Variants in SCTR observed in about 807,000 individuals in gnomAD.
The protein encoded by SCTR is pancreatic secretin receptor.
In SCTR, 56 loss-of-function variants were observed where a neutral mutation model predicts 60.8. That is an observed-to-expected ratio of 0.92 (90% CI 0.74 to 1.15). The LOEUF (loss-of-function observed/expected upper bound fraction) is 1.15. Ranked by LOEUF, SCTR falls within the 50% of genes most tolerant of loss-of-function variation. SCTR has a pLI of 0.00. For synonymous variants in SCTR, 202 were observed against 217.0 expected (o/e 0.93, Z 0.61); for missense variants, 562 against 550.4 (o/e 1.02, Z -0.21).
chr2:119,523,240 GC>G (rs530313520), intron 1 of SCTR, among the ~76,000 whole-genome samples: 25 of 151,618 alleles, frequency 1.6e-4, no homozygotes, highest in Non-Finnish European at 3.1e-4. Flanking sequence ...CTGGAATCTG[GC>G]CCCCACCTCT....
intron 1 of SCTR, among the ~76,000 whole-genome samples, chr2:119,505,324 T>C (rs1000515778): frequency 9.6e-5 from 4 of 41,796 alleles, no homozygotes; most frequent in Non-Finnish European, 1.8e-4. Flanking sequence ...ATGTGTTGTG[T>C]GGTGGGGGGA....
intron 8 of SCTR, among the ~76,000 whole-genome samples, chr2:119,452,928 A>G (rs1202754350): frequency 6.6e-6 from 1 of 152,092 alleles, no homozygotes; most frequent in Non-Finnish European, 1.5e-5. Flanking sequence ...AGGGGTAGAG[A>G]GGCATCCAGG....
intron 7 of SCTR, among the ~76,000 whole-genome samples, chr2:119,459,856 G>A (rs1026508191): frequency 4.6e-5 from 7 of 152,094 alleles, no homozygotes; most frequent in Admixed American, 1.3e-4. Context: ...ATGGGAAAAC[G>A]GTCCATGTTC....
At chr2:119,500,436 G>A (rs1223881695) in intron 1 of SCTR, among the ~76,000 whole-genome samples, 2 of 152,202 alleles carry the variant, frequency 1.3e-5, no homozygotes, top group African/African-American at 4.8e-5. Flanking sequence ...GTTTATTGCA[G>A]CACTATTCAC....
chr2:119,466,808 T>G (rs1683853402), intron 4 of SCTR, among the ~76,000 whole-genome samples: 1 of 152,048 alleles, frequency 6.6e-6, no homozygotes, highest in African/African-American at 2.4e-5. Context: ...CCCTGTGTCT[T>G]TAACCTCTTT....
intron 1 of SCTR, among the ~76,000 whole-genome samples, chr2:119,521,483 TTACAG>T (rs915215710): frequency 6.6e-6 from 1 of 152,116 alleles, no homozygotes; most frequent in Non-Finnish European, 1.5e-5. Context: ...TAGTAAATAA[TTACAG>T]TAATGTTCCA....
At chr2:119,466,041 C>T (rs1221502781) in intron 4 of SCTR, among the ~76,000 whole-genome samples, 155 bp from the exon 5 acceptor site, 1 of 152,086 alleles carries the variant, frequency 6.6e-6, no homozygotes, top group Non-Finnish European at 1.5e-5. Flanking sequence ...AACACCGTAA[C>T]ATCCTGGCAT....
intron 7 of SCTR, among the ~76,000 whole-genome samples, chr2:119,460,436 G>A (rs866645755): frequency 8.0e-5 from 12 of 149,472 alleles, no homozygotes; most frequent in African/African-American, 3.0e-4. Flanking sequence ...GGGTGGGTGG[G>A]TGGATGGATG....
Position 119,461,852 on chromosome 2 carries a change from C to G in SCTR, c.785G>C (p.Gly262Ala), listed in dbSNP as rs773084750. 6.2e-7 allele frequency: 1 copy of G among 1,612,208 alleles called. No individual in the cohort carries two copies. Among genetic ancestry groups the G allele is most frequent in the South Asian group, 1.1e-5 (1 of 90,546 alleles). ...RKYLQGFVAF[G>A]WGSPAIFVAL... ...AGACCCAGGGAGAAACATACCCCAT[C>G]CGAATGCCACAAATCCCTGGAGGTA... The change falls in exon 7 of 13, where the codon GGA becomes GCA. Residue 262 changes from glycine to alanine, a missense_variant. Physicochemically the swap from Gly to Ala is moderately conservative, Grantham distance 60 (BLOSUM62 0). Transcript: ENST00000019103.
chr2:119,479,451 C>G (rs919168156), intron 2 of SCTR: 2 of 175,332 alleles, frequency 1.1e-5, no homozygotes, highest in African/African-American at 4.8e-5. Context: ...GGGTTGAGAA[C>G]TCTTGTCCCA....
chr2:119,502,272 T>A (rs1678579254), intron 1 of SCTR, among the ~76,000 whole-genome samples: 1 of 151,550 alleles, frequency 6.6e-6, no homozygotes, highest in South Asian at 2.1e-4. Flanking sequence ...AAATACAGTA[T>A]CACTCAGAAT....
intron 4 of SCTR, among the ~76,000 whole-genome samples, chr2:119,469,566 C>G (rs897173385): frequency 2.0e-5 from 3 of 152,300 alleles, no homozygotes; most frequent in African/African-American, 7.2e-5. Context: ...TCATGGCTCA[C>G]TACAGCCTCA....
intron 12 of SCTR, 43 bp from the exon 13 acceptor site, chr2:119,440,300 T>C: frequency 6.3e-7 from 1 of 1,587,034 alleles, no homozygotes; most frequent in Non-Finnish European, 8.6e-7. Flanking sequence ...AGAGGACAGT[T>C]CTGTGCCTGG....
At chr2:119,493,760 G>A (rs10153793) in intron 2 of SCTR, among the ~76,000 whole-genome samples, 2,551 of 151,340 alleles carry the variant, frequency 0.017, 70 homozygotes, top group African/African-American at 0.058. Context: ...TCCTGCCTCA[G>A]CCTCCCTAGT....
At chr2:119,447,664 C>CAGGTTCA (rs1268742499) in intron 10 of SCTR, among the ~76,000 whole-genome samples, 1 of 152,198 alleles carries the variant, frequency 6.6e-6, no homozygotes, top group Non-Finnish European at 1.5e-5. Context: ...CTCTGCCTCC[C>CAGGTTCA]AGGTTCAAGT....
intron 1 of SCTR, among the ~76,000 whole-genome samples, chr2:119,497,061 A>G (rs574219940): frequency 1.3e-5 from 2 of 152,306 alleles, no homozygotes; most frequent in Middle Eastern, 6.8e-3. Context: ...CTACTACCCT[A>G]GTTCAGAAGT....
chr2:119,470,281 A>G (rs1234476812), intron 4 of SCTR, among the ~76,000 whole-genome samples: 1 of 152,220 alleles, frequency 6.6e-6, no homozygotes, highest in Non-Finnish European at 1.5e-5. Context: ...CACAAAAAGA[A>G]AAGAAGAAAA....
intron 3 of SCTR, 46 bp from the exon 4 acceptor site, chr2:119,473,602 T>C (rs769801190): frequency 8.5e-7 from 1 of 1,175,364 alleles, no homozygotes; most frequent in Non-Finnish European, 1.3e-6. Flanking sequence ...GCCCAGGCAC[T>C]GTGATTTTCA....
At chr2:119,481,286 T>C (rs888546202) in intron 2 of SCTR, among the ~76,000 whole-genome samples, 13 of 152,178 alleles carry the variant, frequency 8.5e-5, no homozygotes, top group Admixed American at 8.5e-4. Flanking sequence ...ACCCAAAGCA[T>C]CCATAGTGTC....
Sources: gnomAD v4.1 joint callset for allele counts (sites outside exome capture counted in the v4.1 genomes callset) on GRCh38, gnomAD v4.1.1 for gene constraint, MANE v1.5 for transcripts, NCBI Gene and HGNC (gene_info 2026-07-23, HGNC 2026-07-21) for gene names.